The following LDB3 variants were observed in gnomAD, a reference collection of about 807,000 sequenced individuals.
The protein encoded by LDB3 is LIM domain binding 3.
Under a neutral mutation model 69.0 loss-of-function variants are expected in LDB3, and 49 were observed. The observed-to-expected ratio is 0.71, with a 90% CI of 0.56 to 0.90. LDB3 has a LOEUF of 0.90. Ranked by LOEUF, LDB3 falls within the 40% of genes least tolerant of loss-of-function variation. The pLI, the probability that LDB3 is intolerant of heterozygous loss-of-function variation, is 0.00. For missense variants in LDB3, 928 were observed against 974.1 expected (o/e 0.95, Z 0.63); for synonymous variants, 387 against 396.2 (o/e 0.98, Z 0.28).
In LDB3 at chr10:86,699,831, G is replaced by A. The variant is rs560431536; in HGVS notation, c.897-6700G>A. ...AAGAGGCTGATCCCTGGCGCTGCCC[G>A]GCTCCCTCGCTGCCCTCTGGAGCTC... On this transcript the variant is annotated intron_variant, in intron 7 of 13. Coordinates refer to ENST00000361373, the MANE Select transcript of LDB3 (RefSeq NM_007078.3). The surrounding 1 kb of genome is among the most constrained non-coding windows in gnomAD (Gnocchi z 4.9). The A allele has an allele frequency of 5.3e-5, 54 of 1,025,436 alleles. No individual in the cohort carries two copies. The East Asian group carries it at 6.9e-4, about 13-fold the overall frequency. 63.5% of individuals were successfully genotyped at this position (1,025,436 alleles called of 1,614,324 possible).
Position 86,680,089 on chromosome 10 carries a change from C to T in LDB3, c.253C>T (p.Arg85Cys), listed in dbSNP as rs780200228. 8.7e-6 allele frequency: 14 copies of T among 1,614,062 alleles called. No homozygotes were observed. Among genetic ancestry groups the T allele is most frequent in the Non-Finnish European group, 6.8e-6 (8 of 1,179,890 alleles). The change falls in exon 4 of 14, where the codon CGT (arginine) becomes TGT (cysteine). Residue 85 changes from arginine to cysteine, a missense_variant. Coordinates refer to ENST00000361373, the MANE Select transcript of LDB3 (RefSeq NM_007078.3). ...NLSLTLQKSK[R>C]PIPISTTAPP... ...CATTTCTGGTTTCTACAGATCAAAG[C>T]GTCCCATTCCCATCTCCACGACAGC...
intron 2 of LDB3, among the ~76,000 whole-genome samples, chr10:86,676,724 C>T (rs958413525): frequency 6.6e-6 from 1 of 152,226 alleles, no homozygotes; most frequent in African/African-American, 2.4e-5. Context: ...TGTGGTCGTG[C>T]AGAAACAACT....
Position 86,692,054 on chromosome 10 carries a change from G to A in LDB3, c.848G>A (p.Gly283Glu). The A allele has an allele frequency of 6.2e-7, 1 of 1,614,082 alleles. No homozygotes were observed. Among genetic ancestry groups the A allele is most frequent in the Non-Finnish European group, 8.5e-7 (1 of 1,180,042 alleles). Reference protein sequence around the residue: ...RSFRILAQMTGTEFMQDPDEE... With the variant: ...RSFRILAQMTETEFMQDPDEE... ...TTCCGCATCCTGGCCCAGATGACGG[G>A]GACAGAATTCAGTGAGTGCAGGCTC... Residue 283 changes from glycine to glutamate, a missense_variant, in exon 6 of 14, where the codon GGG becomes GAG. Transcript: ENST00000361373.
At position 86,681,725 on chromosome 10, in the gene LDB3, C is replaced by T. The variant is rs1379265562; in HGVS notation, c.611C>T (p.Ala204Val). ...AACAACCCCATTGGCCTGTACTCGG[C>T]AGAGACCCTGAGGGAGATGGCTCAG... is the stretch of plus-strand genomic sequence containing the variant. ...QYNNPIGLYS[A>V]ETLREMAQMY... The change falls in exon 5 of 14, where the codon GCA (alanine) becomes GTA (valine). Residue 204 changes from alanine (A) to valine (V), a missense_variant. Transcript: ENST00000361373. 1.2e-6 allele frequency: 2 copies of T among 1,611,242 alleles called. No homozygotes were observed. The highest frequency in any genetic ancestry group is 1.7e-6 in the Non-Finnish European group (2 of 1,178,454).
chr10:86,706,828 G>T (rs1411029861), intron 8 of LDB3, 109 bp downstream of exon 8: 9 of 1,238,934 alleles, frequency 7.3e-6, no homozygotes, highest in Non-Finnish European at 1.0e-5. Context: ...GGGCCCGCAG[G>T]CCTAGAGGAA....
At chr10:86,706,831 T>A in intron 8 of LDB3, 112 bp downstream of exon 8, 1 of 1,182,922 alleles carries the variant, frequency 8.5e-7, no homozygotes, top group Non-Finnish European at 1.2e-6. Context: ...CCCGCAGGCC[T>A]AGAGGAAGCC....
At chr10:86,711,922 C>T (rs1846685182) in intron 9 of LDB3, among the ~76,000 whole-genome samples, 1 of 151,972 alleles carries the variant, frequency 6.6e-6, no homozygotes, top group Non-Finnish European at 1.5e-5. Flanking sequence ...CCGCCGAGTG[C>T]GATAGGGGAC....
At chr10:86,692,186 C>A in intron 6 of LDB3, 121 bp downstream of exon 6, 1 of 1,193,398 alleles carries the variant, frequency 8.4e-7, no homozygotes, top group Non-Finnish European at 1.2e-6. Context: ...GTGGGCCAGG[C>A]TTGATGGTTT....
In LDB3 at chr10:86,718,131, C is replaced by G. The variant is rs772723923; in HGVS notation, c.1844C>G (p.Thr615Ser). 1.9e-6 allele frequency: 3 copies of G among 1,614,136 alleles called. No individual in the cohort carries two copies. The South Asian group carries it at 3.3e-5, about 18-fold the overall frequency. The change falls in exon 11 of 14, where the codon ACC becomes AGC. Residue 615 changes from threonine (T) to serine (S), a missense_variant. Transcript: ENST00000361373. Reference protein sequence around the residue: ...FFAPLCAKCNTKIMGEVMHAL... With the variant: ...FFAPLCAKCNSKIMGEVMHAL... ...GCCCCGCTGTGTGCCAAGTGCAACA[C>G]CAAAATTATGGGGGTAAGTGGGAGG...
intron 7 of LDB3, among the ~76,000 whole-genome samples, chr10:86,703,462 C>T (rs1490416295): frequency 3.3e-5 from 5 of 152,218 alleles, no homozygotes; most frequent in African/African-American, 7.2e-5. Flanking sequence ...TGCCCAAGAC[C>T]GCCTCCCTGA....
At chr10:86,728,971 A>G (rs1589688035) in intron 13 of LDB3, among the ~76,000 whole-genome samples, 1 of 150,588 alleles carries the variant, frequency 6.6e-6, no homozygotes, top group Non-Finnish European at 1.5e-5. Context: ...TCTTTCTATC[A>G]CTTCATATTT....
rs1275953117 is a variant in LDB3 at position 86,716,699 on chromosome 10, C to CT, written c.1604_1605insT (p.Val536ArgfsTer5). 4.3e-6 allele frequency: 7 copies of CT among 1,613,670 alleles called. No homozygotes were observed. The highest frequency in any genetic ancestry group is 5.9e-6 in the Non-Finnish European group (7 of 1,179,996). On this transcript the variant is annotated frameshift_variant, in exon 10 of 14. Transcript: ENST00000361373. LOFTEE classifies it high-confidence loss of function. ...CAGGTGCCACCACTTGCCAGGGGGA[C>CT]CGTCCAGAGGGCTGAGCGATTCCCA...
rs371708921 is a variant in LDB3 at position 86,687,180 on chromosome 10, G to A, written c.690-4716G>A. 305 of 1,614,200 alleles carry A rather than the reference G, an allele frequency of 1.9e-4. 4 individuals are homozygous for A. The South Asian group carries it at 2.7e-3, about 14-fold the overall frequency. On this transcript the variant is annotated intron_variant, in intron 5 of 13. Transcript: ENST00000361373. ...GCGGCAAGGCCACCATCATCCATGC[G>A]CAGTACAACACGCCCATCAGCATGT...
intron 5 of LDB3, 106 bp downstream of exon 5, chr10:86,681,909 C>T: frequency 8.5e-7 from 1 of 1,172,692 alleles, no homozygotes; most frequent in Non-Finnish European, 1.2e-6. Context: ...TGGCCCCAAT[C>T]CAGCCAGCCC....
rs1286351667 is a variant in LDB3 at position 86,699,839 on chromosome 10, C to T, written c.897-6692C>T. 1.4e-5 allele frequency: 14 copies of T among 1,025,956 alleles called. No homozygotes were observed. Among genetic ancestry groups the T allele is most frequent in the Middle Eastern group, 4.8e-4 (1 of 2,080 alleles). 63.6% of individuals were successfully genotyped at this position (1,025,956 alleles called of 1,614,324 possible). A position where few individuals can be genotyped will look rare whatever the true frequency, so the allele number is the denominator to read the frequency against. On this transcript the variant is annotated intron_variant, in intron 7 of 13. Transcript: ENST00000361373. This position sits in a 1 kb window ranked among gnomAD's most constrained non-coding sequence, Gnocchi z 4.9. ...GATCCCTGGCGCTGCCCGGCTCCCT[C>T]GCTGCCCTCTGGAGCTCAGGGCAGC...
chr10:86,675,133 C>G (rs1276023812), intron 2 of LDB3, among the ~76,000 whole-genome samples: 1 of 152,160 alleles, frequency 6.6e-6, no homozygotes. Context: ...TGGTCAGAGG[C>G]TTGGCTACTG....
intron 7 of LDB3, among the ~76,000 whole-genome samples, chr10:86,697,566 T>TG (rs1329294735): frequency 1.4e-5 from 2 of 141,568 alleles, no homozygotes; most frequent in Non-Finnish European, 3.1e-5. Flanking sequence ...TTTTTTTTTT[T>TG]TTTTTGAGAT....
Position 86,680,115 on chromosome 10 carries a change from A to G in LDB3, c.279A>G (p.Ala93=), listed in dbSNP as rs748562815. ...SKRPIPISTT[A]PPVQTPLPVI... The stretch of plus-strand genomic sequence containing the variant: ...GTCCCATTCCCATCTCCACGACAGC[A>G]CCTCCAGTCCAGACCCCTCTGCCGG... Residue 93 remains alanine (A), a synonymous_variant, in exon 4 of 14, where the codon GCA becomes GCG. Transcript: ENST00000361373. 1.9e-6 allele frequency: 3 copies of G among 1,614,110 alleles called. No individual in the cohort carries two copies. The highest frequency in any genetic ancestry group is 1.1e-5 in the South Asian group (1 of 91,078).
At chr10:86,689,674 CCT>C (rs1845669602) in intron 5 of LDB3, among the ~76,000 whole-genome samples, 3 of 152,190 alleles carry the variant, frequency 2.0e-5, no homozygotes, top group Non-Finnish European at 4.4e-5. Context: ...GACAAGGTAA[CCT>C]CTTGGAGGCC....
Sources: allele counts gnomAD v4.1 joint callset (sites outside exome capture counted in the v4.1 genomes callset), GRCh38; gene constraint gnomAD v4.1.1; non-coding constraint Gnocchi (gnomAD v3.1); transcripts MANE v1.5; gene names NCBI Gene and HGNC (gene_info 2026-07-23, HGNC 2026-07-21).